UNC5C: variants seen among roughly 807,000 people sequenced by gnomAD.
The protein encoded by UNC5C is unc-5 netrin receptor C, also known as netrin receptor UNC5C.
UNC5C carries 47 observed loss-of-function variants against 99.8 expected under a neutral mutation model. The ratio of observed to expected loss-of-function variants is 0.47; its 90% confidence interval spans 0.37 to 0.60. The LOEUF is 0.60. Among genes scored for constraint, UNC5C ranks in the 20% least tolerant of loss-of-function variants. UNC5C has a pLI of 0.00. For synonymous variants in UNC5C, 487 were observed against 452.2 expected, an observed-to-expected ratio of 1.08 and a Z score of -0.98; for missense variants, 1,062 against 1,165.9, an observed-to-expected ratio of 0.91 and a Z score of 1.30.
At chr4:95,185,592 T>A (rs954298820) in intron 12 of UNC5C, among the ~76,000 whole-genome samples, 2 of 152,174 alleles carry the variant, frequency 1.3e-5, no homozygotes, top group Non-Finnish European at 2.9e-5. Flanking sequence ...AAGTAGATTT[T>A]CAATTAACTT....
At chr4:95,234,876 C>T (rs1271600017) in intron 7 of UNC5C, among the ~76,000 whole-genome samples, 3 of 152,154 alleles carry the variant, frequency 2.0e-5, no homozygotes, top group Non-Finnish European at 2.9e-5. Flanking sequence ...TTTAAGACCA[C>T]GATTATATTT....
intron 1 of UNC5C, among the ~76,000 whole-genome samples, chr4:95,425,753 T>C (rs1334922110): frequency 6.6e-6 from 1 of 152,248 alleles, no homozygotes; most frequent in Non-Finnish European, 1.5e-5. Flanking sequence ...TTAGTAGTTA[T>C]TTAAATACAT....
At chr4:95,199,360 A>G (rs1172564254) in intron 12 of UNC5C, among the ~76,000 whole-genome samples, 3 of 152,138 alleles carry the variant, frequency 2.0e-5, no homozygotes, top group African/African-American at 7.2e-5. Context: ...TGGAGAGGCC[A>G]TTTGCCTATA....
intron 7 of UNC5C, among the ~76,000 whole-genome samples, chr4:95,227,325 AT>A (rs946722949): frequency 3.3e-5 from 5 of 151,190 alleles, no homozygotes; most frequent in Admixed American, 6.6e-5. Flanking sequence ...TATTTAAAAA[AT>A]TTTTTTTGTA....
intron 12 of UNC5C, among the ~76,000 whole-genome samples, chr4:95,187,781 C>T (rs2149352882): frequency 6.6e-6 from 1 of 152,324 alleles, no homozygotes; most frequent in Admixed American, 6.5e-5. Context: ...ACACTCCTTC[C>T]ATAGACTTAA....
At chr4:95,330,088 C>G (rs375680829) in intron 2 of UNC5C, among the ~76,000 whole-genome samples, 33 of 152,166 alleles carry the variant, frequency 2.2e-4, no homozygotes, top group African/African-American at 6.7e-4. Flanking sequence ...AAAAACTGAT[C>G]TTTATTACAT....
intron 1 of UNC5C, among the ~76,000 whole-genome samples, chr4:95,375,505 T>A (rs970654047): frequency 6.6e-6 from 1 of 152,110 alleles, no homozygotes. Flanking sequence ...AAGAAACATG[T>A]TAATATAAAA....
In UNC5C at chr4:95,398,044, CT is replaced by C. The variant is rs34609153; in HGVS notation, c.125-62414del. Among the ~76,000 whole-genome samples the C allele has an allele frequency of 8.4e-3, 808 of 95,906 alleles. 21 individuals are homozygous for C. Among genetic ancestry groups the C allele is most frequent in the Admixed American group, 0.044 (393 of 8,836 alleles). The allele number at this position is 95,906 out of a possible 152,430, so 62.9% of individuals were successfully genotyped here. ...CCCAATGAGAAGTAGCCAAATGTAG[CT>C]TTTTTTTTTTTTTTTTTTGCTTATG... On this transcript the variant is annotated intron_variant, in intron 1 of 15. Transcript: ENST00000453304.
intron 14 of UNC5C, among the ~76,000 whole-genome samples, chr4:95,180,147 A>G (rs1021171340): frequency 6.6e-6 from 1 of 152,084 alleles, no homozygotes; most frequent in African/African-American, 2.4e-5. Context: ...CTTACTAACA[A>G]ACATTCTCCC....
At chr4:95,429,654 C>T (rs893058057) in intron 1 of UNC5C, among the ~76,000 whole-genome samples, 2 of 152,116 alleles carry the variant, frequency 1.3e-5, no homozygotes, top group Non-Finnish European at 2.9e-5. Context: ...AAGCCTCATT[C>T]ACAACAGTGG....
intron 1 of UNC5C, among the ~76,000 whole-genome samples, chr4:95,445,231 C>G (rs544736684): frequency 5.5e-4 from 83 of 152,206 alleles, no homozygotes; most frequent in Non-Finnish European, 1.1e-3. Context: ...TTGTCCTTCC[C>G]TACTTGCAAC....
chr4:95,473,968 A>G (rs996646045), intron 1 of UNC5C, among the ~76,000 whole-genome samples: 3 of 152,074 alleles, frequency 2.0e-5, no homozygotes, highest in Non-Finnish European at 4.4e-5. Flanking sequence ...ATAATCACAA[A>G]ACATGTTTTT....
rs1044360648 is a variant in UNC5C, at chr4:95,293,172, G to T, written c.490+8434C>A. Among the ~76,000 whole-genome samples the T allele has an allele frequency of 2.0e-5, 3 of 151,972 alleles. 1 individual carries two copies. Among genetic ancestry groups the T allele is most frequent in the Admixed American group, 1.3e-4 (2 of 15,254 alleles). ...AACAGTTCTTGCAAGCAGCCTATATGTGGAATGAATCTATTGCATTCTGGA... is the reference window on the plus strand; with the variant it reads ...AACAGTTCTTGCAAGCAGCCTATATTTGGAATGAATCTATTGCATTCTGGA... On this transcript the variant is annotated intron_variant, in intron 3 of 15. Transcript: ENST00000453304.
At chr4:95,454,579 A>G (rs749860732) in intron 1 of UNC5C, among the ~76,000 whole-genome samples, 5 of 152,056 alleles carry the variant, frequency 3.3e-5, no homozygotes, top group African/African-American at 9.7e-5. Flanking sequence ...TCAGACAGTA[A>G]ATTTGTTCAC....
chr4:95,540,045 A>T (rs191808508), intron 1 of UNC5C, among the ~76,000 whole-genome samples: 248 of 152,280 alleles, frequency 1.6e-3, no homozygotes, highest in African/African-American at 5.9e-3. Context: ...AAATGACAAC[A>T]ATTCTTAACG....
intron 1 of UNC5C, among the ~76,000 whole-genome samples, chr4:95,467,672 T>A (rs574268546): frequency 6.6e-6 from 1 of 152,298 alleles, no homozygotes; most frequent in African/African-American, 2.4e-5. Context: ...GTCAATACAG[T>A]TAGCCCTTGA....
rs980020057 is a variant in UNC5C, at chr4:95,169,332, T to G, written c.2698A>C (p.Asn900His). 3.3e-5 allele frequency: 53 copies of G among 1,614,134 alleles called. No individual in the cohort carries two copies. Among genetic ancestry groups the G allele is most frequent in the Non-Finnish European group, 3.8e-5 (45 of 1,180,056 alleles). ...GVILDLWEAQ[N>H]FPDGNLSMLA... The stretch of plus-strand genomic sequence containing the variant: ...ATGCTCAGGTTTCCATCTGGGAAGT[T>G]CTGTGCTTCCCAAAGATCCAGGATT... Residue 900 changes from asparagine to histidine, a missense_variant, in exon 16 of 16, where the codon AAC (asparagine) becomes CAC (histidine). Coordinates refer to ENST00000453304, the MANE Select transcript of UNC5C (RefSeq NM_003728.4).
intron 1 of UNC5C, among the ~76,000 whole-genome samples, chr4:95,468,742 C>G (rs750103683): frequency 1.4e-4 from 21 of 152,086 alleles, no homozygotes; most frequent in Non-Finnish European, 2.6e-4. Context: ...TTAATGACAC[C>G]TGATCTAGAG....
chr4:95,274,211 T>C lies in UNC5C; in HGVS notation c.594+4048A>G, dbSNP rs186777207. On this transcript the variant is annotated intron_variant, in intron 4 of 15. Coordinates refer to ENST00000453304, the MANE Select transcript of UNC5C (RefSeq NM_003728.4). ...CAATTTAGCCAGGTACACTGGTTCA[T>C]CCATGCCAGGTATTCGATGTGGAAA... Among the ~76,000 whole-genome samples, 412 of 152,270 alleles carry C rather than the reference T, an allele frequency of 2.7e-3. 2 individuals carry two copies. Among genetic ancestry groups the C allele is most frequent in the South Asian group, 6.6e-3 (32 of 4,820 alleles).
Sources: allele counts gnomAD v4.1 joint callset (sites outside exome capture counted in the v4.1 genomes callset), GRCh38; gene constraint gnomAD v4.1.1; transcripts MANE v1.5; gene names NCBI Gene and HGNC (gene_info 2026-07-23, HGNC 2026-07-21).